The following WAC variants were observed in gnomAD, a reference collection of about 807,000 sequenced individuals.
WAC encodes the protein WW domain-containing adapter protein with coiled-coil.
A neutral mutation model predicts 79.6 loss-of-function variants in WAC; 11 were observed. The observed-to-expected ratio is 0.14, with a 90% CI of 0.09 to 0.23. WAC has a LOEUF of 0.23. WAC is among the 10% of genes least tolerant of loss of function. WAC has a pLI of 1.00. For missense variants in WAC, 728 were observed against 773.5 expected (o/e 0.94, Z 0.70); for synonymous variants, 304 against 276.9 (o/e 1.10, Z -0.97).
intron 7 of WAC, among the ~76,000 whole-genome samples, chr10:28,601,599 A>G (rs1053210652): frequency 4.6e-5 from 7 of 152,190 alleles, no homozygotes; most frequent in African/African-American, 1.7e-4. Flanking sequence ...AAACATGCTT[A>G]CATGCGGGTG....
chr10:28,595,512 ATATT>A (rs1483217804), intron 6 of WAC, among the ~76,000 whole-genome samples: 2 of 152,126 alleles, frequency 1.3e-5, no homozygotes, highest in Non-Finnish European at 1.5e-5. Flanking sequence ...GTATAGATGA[ATATT>A]TATAGTTGAG....
chr10:28,599,034 T>G (rs528179755), intron 7 of WAC, among the ~76,000 whole-genome samples: 1 of 152,328 alleles, frequency 6.6e-6, no homozygotes, highest in Non-Finnish European at 1.5e-5. Flanking sequence ...TTTAGTCTGT[T>G]TAGATTGTTC....
intron 1 of WAC, 128 bp from the exon 2 acceptor site, chr10:28,533,870 C>G (rs1046502992): frequency 1.7e-6 from 2 of 1,201,840 alleles, no homozygotes; most frequent in Non-Finnish European, 2.3e-6. Flanking sequence ...CGTGTGCGTG[C>G]GGGGCTCGGC....
intron 7 of WAC, among the ~76,000 whole-genome samples, chr10:28,605,415 T>C (rs1228421950): frequency 6.6e-6 from 1 of 152,196 alleles, no homozygotes; most frequent in African/African-American, 2.4e-5. Context: ...GTGATTCCGA[T>C]GAGCAGTCTG....
In WAC at chr10:28,616,299, A is replaced by C. The variant is rs1189116723; in HGVS notation, c.1683A>C (p.Ala561=). The C allele has an allele frequency of 6.2e-7, 1 of 1,613,988 alleles. No individual in the cohort carries two copies. ...STCSLTPALA[A]HFSENLIKHV... is the part of the protein sequence containing the mutation. ...GTTCATTAACGCCTGCACTAGCAGC[A>C]CACTTCAGTGAAAATCTCATAAAAC... Residue 561 remains alanine, a synonymous_variant, in exon 12 of 14, where the codon GCA becomes GCC. Coordinates refer to ENST00000354911, the MANE Select transcript of WAC (RefSeq NM_016628.5).
chr10:28,554,735 A>G (rs1410795843), intron 3 of WAC, among the ~76,000 whole-genome samples: 4 of 152,200 alleles, frequency 2.6e-5, no homozygotes, highest in Admixed American at 2.6e-4. Flanking sequence ...CAGACATTAC[A>G]GTGGCCAACT....
chr10:28,541,420 GTTT>G (rs869099181), intron 3 of WAC, among the ~76,000 whole-genome samples: 13 of 49,208 alleles, frequency 2.6e-4, no homozygotes, highest in African/African-American at 8.6e-4. Flanking sequence ...TGTGTGTTTT[GTTT>G]TTTTTTTTTT....
At chr10:28,583,102 C>G (rs1456637705) in intron 3 of WAC, among the ~76,000 whole-genome samples, 3 of 151,946 alleles carry the variant, frequency 2.0e-5, no homozygotes, top group Non-Finnish European at 1.5e-5. Context: ...TTAAGAAAAC[C>G]CAGAAGTTGC....
intron 4 of WAC, among the ~76,000 whole-genome samples, chr10:28,584,554 C>T (rs1038261497): frequency 6.6e-6 from 1 of 151,926 alleles, no homozygotes; most frequent in South Asian, 2.1e-4. Context: ...AAAATTATCT[C>T]GGGTAGCAGT....
At chr10:28,611,567 C>G in intron 9 of WAC, 1 of 1,299,886 alleles carries the variant, frequency 7.7e-7, no homozygotes, top group Non-Finnish European at 1.0e-6. Context: ...ACTGGGTGTG[C>G]TTACCTCTGA....
intron 3 of WAC, among the ~76,000 whole-genome samples, chr10:28,565,941 A>C (rs1016237219): frequency 1.3e-5 from 2 of 152,232 alleles, no homozygotes; most frequent in African/African-American, 4.8e-5. Context: ...TAAAAATATT[A>C]GAGTGTGCAG....
intron 3 of WAC, among the ~76,000 whole-genome samples, chr10:28,537,919 G>A (rs187320417): frequency 6.6e-6 from 1 of 152,210 alleles, no homozygotes; most frequent in Admixed American, 6.5e-5. Flanking sequence ...CACTTGCTAA[G>A]TTAGGCCCCA....
chr10:28,542,020 G>A (rs1040843704), intron 3 of WAC, among the ~76,000 whole-genome samples: 1 of 152,140 alleles, frequency 6.6e-6, no homozygotes, highest in Non-Finnish European at 1.5e-5. Flanking sequence ...TAGATCCTGT[G>A]TAATCTGGTG....
At chr10:28,573,576 C>T (rs1490731406) in intron 3 of WAC, among the ~76,000 whole-genome samples, 1 of 152,160 alleles carries the variant, frequency 6.6e-6, no homozygotes, top group South Asian at 2.1e-4. Context: ...GATTCACAGT[C>T]GTGCACCACT....
Position 28,600,875 on chromosome 10 carries a change from A to G in WAC, c.919+4834A>G, listed in dbSNP as rs193080557. The stretch of plus-strand genomic sequence containing the variant: ...AAAGCAGAATGAAAAAGACAATCCA[A>G]TAGAACAGTGGACAATCCAATGAAC... On this transcript the variant is annotated intron_variant, in intron 7 of 13. Transcript: ENST00000354911. Among the ~76,000 whole-genome samples the G allele has an allele frequency of 7.5e-4, 114 of 152,278 alleles. 1 individual carries two copies. Among genetic ancestry groups the G allele is most frequent in the South Asian group, 8.3e-4 (4 of 4,824 alleles).
At position 28,547,646 on chromosome 10, in the gene WAC, A is replaced by G. The variant is rs955949623; in HGVS notation, c.274+11889A>G. Among the ~76,000 whole-genome samples, 3 of 151,620 alleles carry G rather than the reference A, an allele frequency of 2.0e-5. No individual in the cohort carries two copies. The East Asian group carries it at 5.8e-4, about 29-fold the overall frequency. ...TGTCTGAATAAATTATCTTTTGGCT[A>G]TATTAAAAAATCATTTATCCTTTAA... is the stretch of plus-strand genomic sequence containing the variant. On this transcript the variant is annotated intron_variant, in intron 3 of 13. Transcript: ENST00000354911.
chr10:28,617,365 C>T (rs192528781), intron 12 of WAC, among the ~76,000 whole-genome samples: 8 of 152,324 alleles, frequency 5.3e-5, no homozygotes, highest in Admixed American at 5.2e-4. Flanking sequence ...GACCCAGCAT[C>T]TTTTATTAAC....
intron 3 of WAC, among the ~76,000 whole-genome samples, chr10:28,575,097 C>G (rs1471791746): frequency 6.6e-6 from 1 of 151,984 alleles, no homozygotes; most frequent in Admixed American, 6.6e-5. Context: ...AGAGGATATC[C>G]TGTTTTTAAG....
At chr10:28,572,052 C>T (rs925552136) in intron 3 of WAC, among the ~76,000 whole-genome samples, 1 of 152,052 alleles carries the variant, frequency 6.6e-6, no homozygotes, top group Non-Finnish European at 1.5e-5. Context: ...ATAAAAGCAG[C>T]TGTTGTCCAG....
Sources: gnomAD v4.1 joint callset for allele counts (sites outside exome capture counted in the v4.1 genomes callset) on GRCh38, gnomAD v4.1.1 for gene constraint, MANE v1.5 for transcripts, NCBI Gene and HGNC (gene_info 2026-07-23, HGNC 2026-07-21) for gene names.